The following SUN1 variants were observed in gnomAD, a reference collection of about 807,000 sequenced individuals.
The protein encoded by SUN1 is SUN domain-containing protein 1.
SUN1 carries 61 observed loss-of-function variants against 103.2 expected under a neutral mutation model. That is an observed-to-expected ratio of 0.59 (90% CI 0.48 to 0.73). The LOEUF (loss-of-function observed/expected upper bound fraction) is 0.73, where lower values mean the gene tolerates loss of function less well. Ranked by LOEUF, SUN1 falls within the 30% of genes least tolerant of loss-of-function variation. SUN1 has a pLI of 0.00. For synonymous variants in SUN1, 490 were observed against 425.7 expected (o/e 1.15, Z -1.86); for missense variants, 1,052 against 1,034.6 (o/e 1.02, Z -0.23).
chr7:854,991 G>A lies in SUN1; in HGVS notation c.1335G>A (p.Leu445=), dbSNP rs757133113. The change falls in exon 11 of 19, where the codon CTG becomes CTA. Residue 445 remains leucine, a synonymous_variant. Coordinates refer to ENST00000401592, the MANE Select transcript of SUN1 (RefSeq NM_001130965.3). The part of the protein sequence containing the change: ...MSHLEDILGK[L]REKSEAIQKE... ...ACTTGGAAGATATTCTGGGAAAACT[G>A]AGAGAAAAATCTGAGGTATTTATTT... 28 of 1,612,710 alleles carry A rather than the reference G, an allele frequency of 1.7e-5. No individual in the cohort carries two copies. The highest frequency in any genetic ancestry group is 2.0e-5 in the Non-Finnish European group (24 of 1,179,344).
At chr7:831,274 T>G (rs1285563409), upstream of SUN1, among the ~76,000 whole-genome samples, 6 of 23,908 alleles carry the variant, frequency 2.5e-4, no homozygotes, top group Non-Finnish European at 9.0e-5. Flanking sequence ...TGAAACGTGC[T>G]TTTTTTTTTT....
intron 12 of SUN1, among the ~76,000 whole-genome samples, chr7:856,827 C>T (rs1054946164): frequency 1.6e-4 from 24 of 152,210 alleles, no homozygotes; most frequent in African/African-American, 5.8e-4. Context: ...TCAGCCTCAT[C>T]TCTGCTGCTG....
At chr7:851,188 T>G (rs1821751543) in intron 5 of SUN1, 196 bp from the exon 6 acceptor site, 1 of 430,528 alleles carries the variant, frequency 2.3e-6, no homozygotes, top group Non-Finnish European at 4.2e-6. Flanking sequence ...AGAACTGAGC[T>G]TTTCAAATGG....
chr7:818,371 C>T (rs1782849189), intron 1 of SUN1, among the ~76,000 whole-genome samples: 1 of 152,166 alleles, frequency 6.6e-6, no homozygotes, highest in Non-Finnish European at 1.5e-5. Flanking sequence ...ATCAGTATTC[C>T]ATTCCTTTTT....
chr7:837,521 G>A (rs1216805141), intron 1 of SUN1, among the ~76,000 whole-genome samples: 3 of 152,184 alleles, frequency 2.0e-5, no homozygotes, highest in African/African-American at 7.2e-5. Flanking sequence ...AGAGAGAGAC[G>A]TTAAGGCCTA....
chr7:848,134 C>G (rs913426897), intron 5 of SUN1, among the ~76,000 whole-genome samples: 2 of 151,706 alleles, frequency 1.3e-5, no homozygotes, highest in Admixed American at 6.6e-5. Context: ...GGGGGTTACT[C>G]CGCAGTCCAG....
chr7:859,543 T>G (rs990541697), intron 13 of SUN1, among the ~76,000 whole-genome samples: 1 of 152,040 alleles, frequency 6.6e-6, no homozygotes, highest in Non-Finnish European at 1.5e-5. Flanking sequence ...TTAGGGGGTG[T>G]GGGCTAGAGA....
chr7:850,173 C>A, intron 5 of SUN1: 1 of 759,998 alleles, frequency 1.3e-6, no homozygotes, highest in Non-Finnish European at 2.1e-6. Flanking sequence ...TGGTTTAAAA[C>A]AGGGTGAATC....
chr7:864,614 T>C (rs892701128), intron 15 of SUN1, among the ~76,000 whole-genome samples: 7 of 149,706 alleles, frequency 4.7e-5, no homozygotes, highest in African/African-American at 1.7e-4. Flanking sequence ...TCTGCTATCA[T>C]ATGGTAGGTC....
upstream of SUN1, among the ~76,000 whole-genome samples, chr7:830,306 C>T (rs1280533422): frequency 1.3e-5 from 2 of 152,164 alleles, no homozygotes; most frequent in Non-Finnish European, 2.9e-5. Context: ...GGCTTCGGCG[C>T]TTGTCAGGGT....
intron 13 of SUN1, among the ~76,000 whole-genome samples, 155 bp downstream of exon 13, chr7:858,112 G>A (rs1181622718): frequency 3.3e-5 from 5 of 152,142 alleles, no homozygotes; most frequent in African/African-American, 9.7e-5. Context: ...CTGCAGTGGC[G>A]CGATCTCAGC....
At chr7:849,871 C>T (rs972127445) in intron 5 of SUN1, 3 of 1,543,936 alleles carry the variant, frequency 1.9e-6, no homozygotes, top group African/African-American at 1.4e-5. Flanking sequence ...CTGAGATGGA[C>T]AGAGTTTGCT....
At chr7:845,679 T>C (rs1814880278) in intron 5 of SUN1, among the ~76,000 whole-genome samples, 2 of 152,222 alleles carry the variant, frequency 1.3e-5, no homozygotes. Flanking sequence ...TTTGTTTGTT[T>C]TTGTTTTTTA....
chr7:831,637 A>G (rs563987480), upstream of SUN1, among the ~76,000 whole-genome samples: 2 of 152,336 alleles, frequency 1.3e-5, no homozygotes, highest in East Asian at 1.9e-4. Context: ...TACAATTTTT[A>G]TATGTAAACA....
chr7:831,447 T>C (rs10216061), upstream of SUN1, among the ~76,000 whole-genome samples: 3,546 of 152,168 alleles, frequency 0.023, 117 homozygotes, highest in African/African-American at 0.069. Flanking sequence ...AATTTTTGTA[T>C]TTTTAGTAGA....
chr7:850,093 T>C, intron 5 of SUN1: 1 of 1,451,230 alleles, frequency 6.9e-7, no homozygotes, highest in Non-Finnish European at 9.3e-7. Flanking sequence ...TTGTGTCTTG[T>C]GTGGTTTGTG....
chr7:854,306 G>C (rs1309643630), intron 10 of SUN1, among the ~76,000 whole-genome samples: 2 of 152,256 alleles, frequency 1.3e-5, no homozygotes, highest in Admixed American at 1.3e-4. Context: ...GGTGCGCGCA[G>C]CGTCAAACGC....
At chr7:833,826 C>CG (rs1800226798) in intron 1 of SUN1, among the ~76,000 whole-genome samples, 1 of 151,410 alleles carries the variant, frequency 6.6e-6, no homozygotes, top group Admixed American at 6.6e-5. Context: ...CAGGCCAGCT[C>CG]AGGGGAGACT....
intron 1 of SUN1, chr7:817,382 C>A: frequency 2.0e-6 from 3 of 1,530,316 alleles, no homozygotes; most frequent in Non-Finnish European, 2.6e-6. Flanking sequence ...CGCCCTGTTG[C>A]GCCTTCAAAG....
Sources: gnomAD v4.1 joint callset for allele counts (sites outside exome capture counted in the v4.1 genomes callset) on GRCh38, gnomAD v4.1.1 for gene constraint, MANE v1.5 for transcripts, NCBI Gene and HGNC (gene_info 2026-07-23, HGNC 2026-07-21) for gene names.